The following TASP1 variants were observed in gnomAD, a reference collection of about 807,000 sequenced individuals.
The protein encoded by TASP1 is threonine aspartase 1.
Under a neutral mutation model 56.6 loss-of-function variants are expected in TASP1, and 16 were observed. That is an observed-to-expected ratio of 0.28 (90% CI 0.19 to 0.43). The LOEUF is 0.43. Ranked by LOEUF, TASP1 falls within the 20% of genes least tolerant of loss-of-function variation. TASP1 has a pLI of 1.00. For synonymous variants in TASP1, 179 were observed against 184.2 expected (o/e 0.97, Z 0.23); for missense variants, 393 against 511.6 (o/e 0.77, Z 2.24).
At chr20:13,338,311 T>C in the TASP1 span, among the ~76,000 whole-genome samples, 1 of 152,342 alleles carries the variant, frequency 6.6e-6, no homozygotes, top group Admixed American at 6.5e-5. Context: ...TAGCATATAA[T>C]GAGCAGTGAG....
the TASP1 span, among the ~76,000 whole-genome samples, chr20:13,287,920 C>T: frequency 6.6e-6 from 1 of 152,198 alleles, no homozygotes; most frequent in African/African-American, 2.4e-5. Context: ...AGGTACTCTG[C>T]TCCTGATGGC....
chr20:13,421,708 C>T (rs1367619580), intron 12 of TASP1, among the ~76,000 whole-genome samples: 1 of 152,058 alleles, frequency 6.6e-6, no homozygotes, highest in Non-Finnish European at 1.5e-5. Flanking sequence ...GAAACAACAT[C>T]GTGTTAGCTG....
chr20:13,281,034 A>G, the TASP1 span, among the ~76,000 whole-genome samples: 1 of 152,240 alleles, frequency 6.6e-6, no homozygotes, highest in East Asian at 1.9e-4. Flanking sequence ...GACCAATTGT[A>G]TATTAGACAG....
At chr20:13,309,821 T>A in the TASP1 span, among the ~76,000 whole-genome samples, 1 of 150,708 alleles carries the variant, frequency 6.6e-6, no homozygotes, top group Non-Finnish European at 1.5e-5. Flanking sequence ...AAAAAAGAAA[T>A]CAAGAAAACA....
intron 11 of TASP1, among the ~76,000 whole-genome samples, chr20:13,457,192 G>A (rs1045859428): frequency 3.9e-5 from 6 of 152,148 alleles, no homozygotes; most frequent in East Asian, 1.9e-4. Flanking sequence ...GATGGGTTCA[G>A]CAAACCAACA....
At chr20:13,332,563 C>T in the TASP1 span, among the ~76,000 whole-genome samples, 85 of 152,262 alleles carry the variant, frequency 5.6e-4, no homozygotes, top group African/African-American at 1.8e-3. Flanking sequence ...GTATTTAATT[C>T]TTACCAGACC....
At chr20:13,211,241 A>G in the TASP1 span, among the ~76,000 whole-genome samples, 88 of 152,328 alleles carry the variant, frequency 5.8e-4, 1 homozygote, top group African/African-American at 2.0e-3. Flanking sequence ...ATTTTGAAAC[A>G]TAACCTAATT....
the TASP1 span, among the ~76,000 whole-genome samples, chr20:13,276,805 G>A: frequency 2.6e-5 from 4 of 152,128 alleles, no homozygotes; most frequent in Admixed American, 1.3e-4. Context: ...ACGAGCCCTC[G>A]CCATTGGAGA....
intron 10 of TASP1, among the ~76,000 whole-genome samples, chr20:13,501,716 G>A (rs1229516321): frequency 6.6e-6 from 1 of 151,894 alleles, no homozygotes; most frequent in Non-Finnish European, 1.5e-5. Flanking sequence ...AAAGGCACGG[G>A]TTATCAATCT....
the TASP1 span, among the ~76,000 whole-genome samples, chr20:13,170,795 T>C: frequency 2.2e-3 from 336 of 152,318 alleles, no homozygotes; most frequent in African/African-American, 7.8e-3. Context: ...CTTACTTCAT[T>C]ATGGGCCAAG....
At chr20:13,267,513 G>T in the TASP1 span, among the ~76,000 whole-genome samples, 3 of 152,116 alleles carry the variant, frequency 2.0e-5, no homozygotes, top group Non-Finnish European at 4.4e-5. Context: ...CCTGCGGGGA[G>T]GGTACAGGGC....
the TASP1 span, among the ~76,000 whole-genome samples, chr20:13,342,800 G>A: frequency 1.3e-5 from 2 of 152,184 alleles, no homozygotes; most frequent in Admixed American, 6.5e-5. Flanking sequence ...GGGTTAAGGA[G>A]GGGTCACACA....
chr20:13,491,000 C>T (rs1360052577), intron 10 of TASP1, among the ~76,000 whole-genome samples: 1 of 152,148 alleles, frequency 6.6e-6, no homozygotes, highest in Non-Finnish European at 1.5e-5. Flanking sequence ...ATCCTATTCT[C>T]TGTATGTTCC....
At chr20:13,266,538 C>A in the TASP1 span, among the ~76,000 whole-genome samples, 4 of 152,106 alleles carry the variant, frequency 2.6e-5, no homozygotes, top group Non-Finnish European at 5.9e-5. Flanking sequence ...AATGTTAACT[C>A]ATAGATAGTT....
the TASP1 span, among the ~76,000 whole-genome samples, chr20:13,142,736 T>C: frequency 2.0e-5 from 3 of 152,120 alleles, no homozygotes; most frequent in Admixed American, 1.3e-4. Flanking sequence ...TCCTCCAAGC[T>C]CACATGGCTG....
At chr20:13,438,191 T>G (rs73610480) in intron 11 of TASP1, among the ~76,000 whole-genome samples, 1 of 152,070 alleles carries the variant, frequency 6.6e-6, no homozygotes, top group South Asian at 2.1e-4. Flanking sequence ...GAGCCCGCAT[T>G]GCCAAGTCAA....
At chr20:13,275,379 C>T in the TASP1 span, among the ~76,000 whole-genome samples, 2 of 152,120 alleles carry the variant, frequency 1.3e-5, no homozygotes, top group African/African-American at 4.8e-5. Flanking sequence ...AGAGGAATGG[C>T]AGGTCTGGCT....
At chr20:13,517,082 C>G (rs533083953) in intron 10 of TASP1, among the ~76,000 whole-genome samples, 10 of 152,120 alleles carry the variant, frequency 6.6e-5, no homozygotes, top group Non-Finnish European at 1.5e-4. Context: ...GGAAGCGCCA[C>G]AGTGCATATT....
chr20:13,198,206 TATAA>T, the TASP1 span, among the ~76,000 whole-genome samples: 1 of 152,126 alleles, frequency 6.6e-6, no homozygotes. Flanking sequence ...CAAAGTACCA[TATAA>T]ATAAATAATG....
Sources: gnomAD v4.1 joint callset for allele counts (sites outside exome capture counted in the v4.1 genomes callset) on GRCh38, gnomAD v4.1.1 for gene constraint, MANE v1.5 for transcripts, NCBI Gene and HGNC (gene_info 2026-07-23, HGNC 2026-07-21) for gene names.